PDE4B: variants seen among roughly 807,000 people sequenced by gnomAD.
The protein encoded by PDE4B is 3',5'-cyclic-AMP phosphodiesterase 4B.
A neutral mutation model predicts 82.2 loss-of-function variants in PDE4B; 20 were observed. That is an observed-to-expected ratio of 0.24 (90% CI 0.17 to 0.35). The LOEUF (loss-of-function observed/expected upper bound fraction) is 0.35, where lower values mean the gene tolerates loss of function less well. Ranked by LOEUF, PDE4B falls within the 10% of genes least tolerant of loss-of-function variation. The pLI, the probability that PDE4B is intolerant of heterozygous loss-of-function variation, is 1.00. For missense variants in PDE4B, 655 were observed against 907.2 expected, an observed-to-expected ratio of 0.72 and a Z score of 3.57; for synonymous variants, 320 against 318.9, an observed-to-expected ratio of 1.00 and a Z score of -0.04.
chr1:65,896,218 G>C (rs1646909311), intron 1 of PDE4B, among the ~76,000 whole-genome samples: 1 of 152,082 alleles, frequency 6.6e-6, no homozygotes, highest in Non-Finnish European at 1.5e-5. Flanking sequence ...TGGATGGGGA[G>C]ACCTCACAAT....
intron 3 of PDE4B, among the ~76,000 whole-genome samples, chr1:65,971,432 G>A (rs980402355): frequency 6.6e-6 from 1 of 152,018 alleles, no homozygotes; most frequent in African/African-American, 2.4e-5. Flanking sequence ...ACATCTATGT[G>A]GTACTAAGTA....
chr1:66,144,010 C>G (rs1267608637), intron 3 of PDE4B, among the ~76,000 whole-genome samples: 1 of 152,238 alleles, frequency 6.6e-6, no homozygotes, highest in African/African-American at 2.4e-5. Flanking sequence ...TTTGCTTAAA[C>G]CACTGTAACC....
At chr1:66,348,748 A>G (rs1025174640) in intron 8 of PDE4B, among the ~76,000 whole-genome samples, 2 of 151,500 alleles carry the variant, frequency 1.3e-5, no homozygotes, top group African/African-American at 4.8e-5. Context: ...TATTTGCTAA[A>G]TCTGGCAACC....
chr1:66,206,172 G>T (rs1649535780), intron 3 of PDE4B, among the ~76,000 whole-genome samples: 1 of 152,184 alleles, frequency 6.6e-6, no homozygotes, highest in East Asian at 1.9e-4. Flanking sequence ...CTCGGACCTG[G>T]ATATTTTCTC....
At chr1:66,046,495 G>A (rs1186608054) in intron 3 of PDE4B, among the ~76,000 whole-genome samples, 3 of 151,684 alleles carry the variant, frequency 2.0e-5, no homozygotes, top group East Asian at 3.9e-4. Context: ...ATCTCCCAAC[G>A]TGAAGAAATA....
chr1:66,138,913 G>A (rs1646114616), intron 3 of PDE4B, among the ~76,000 whole-genome samples: 1 of 152,128 alleles, frequency 6.6e-6, no homozygotes, highest in Admixed American at 6.5e-5. Context: ...CTCTCCAAGT[G>A]GGAGAGGGCC....
intron 1 of PDE4B, among the ~76,000 whole-genome samples, chr1:65,880,054 A>G (rs966058938): frequency 6.6e-6 from 1 of 152,200 alleles, no homozygotes; most frequent in African/African-American, 2.4e-5. Context: ...TGCAAAGGTG[A>G]TGCTGATGTG....
At chr1:66,117,438 G>A (rs680925) in intron 3 of PDE4B, among the ~76,000 whole-genome samples, 40,147 of 152,072 alleles carry the variant, frequency 0.26, 6,291 homozygotes, top group Middle Eastern at 0.37. Flanking sequence ...ACCTTCACAA[G>A]CCATAATTAT....
chr1:66,256,425 G>C (rs996302731), intron 4 of PDE4B, among the ~76,000 whole-genome samples: 1 of 152,148 alleles, frequency 6.6e-6, no homozygotes, highest in Non-Finnish European at 1.5e-5. Context: ...CTTACCACAA[G>C]ACCTGGCAGA....
At chr1:66,257,467 T>C (rs778091298) in intron 4 of PDE4B, 180 bp from the exon 5 acceptor site, 2 of 776,850 alleles carry the variant, frequency 2.6e-6, no homozygotes, top group South Asian at 2.7e-5. Flanking sequence ...ACTAATTTTT[T>C]CCTTTCAAGC....
chr1:65,801,812 G>T (rs1481647662), intron 1 of PDE4B, among the ~76,000 whole-genome samples: 1 of 152,092 alleles, frequency 6.6e-6, no homozygotes, highest in Non-Finnish European at 1.5e-5. Flanking sequence ...TAGCAAAGTG[G>T]GTTTCCCTCT....
At chr1:66,215,484 G>C (rs1159595030) in intron 3 of PDE4B, among the ~76,000 whole-genome samples, 1 of 152,058 alleles carries the variant, frequency 6.6e-6, no homozygotes, top group African/African-American at 2.4e-5. Flanking sequence ...TCCACAAGAG[G>C]GTAAACATAC....
chr1:65,805,123 C>G (rs570820003), intron 1 of PDE4B, among the ~76,000 whole-genome samples: 1 of 152,050 alleles, frequency 6.6e-6, no homozygotes, highest in Non-Finnish European at 1.5e-5. Flanking sequence ...CACCACCAAG[C>G]CTGGATAAGT....
intron 3 of PDE4B, among the ~76,000 whole-genome samples, chr1:66,204,154 G>C (rs1272839972): frequency 6.6e-6 from 1 of 152,242 alleles, no homozygotes; most frequent in Non-Finnish European, 1.5e-5. Context: ...GGTGGCTGCA[G>C]AACAGCAGAT....
intron 3 of PDE4B, among the ~76,000 whole-genome samples, chr1:66,083,250 T>C (rs148678435): frequency 7.6e-4 from 115 of 152,220 alleles, no homozygotes; most frequent in African/African-American, 2.5e-3. Flanking sequence ...GCCTCCTCTG[T>C]CAAGTCTGAA....
intron 3 of PDE4B, among the ~76,000 whole-genome samples, chr1:66,108,936 G>A (rs2101046099): frequency 6.6e-6 from 1 of 151,924 alleles, no homozygotes; most frequent in Middle Eastern, 3.4e-3. Context: ...AAAACTCTTG[G>A]TCATACAGAA....
intron 3 of PDE4B, among the ~76,000 whole-genome samples, chr1:66,228,169 G>C (rs971205497): frequency 6.6e-6 from 1 of 152,128 alleles, no homozygotes; most frequent in Non-Finnish European, 1.5e-5. Context: ...TTGTTAACCT[G>C]ACCACCTGTT....
At chr1:66,190,884 G>A (rs1216275020) in intron 3 of PDE4B, among the ~76,000 whole-genome samples, 4 of 152,022 alleles carry the variant, frequency 2.6e-5, no homozygotes, top group African/African-American at 9.7e-5. Flanking sequence ...AGATGAACCC[G>A]GTACCTCAGT....
At chr1:66,222,050 A>G (rs1570499128) in intron 3 of PDE4B, among the ~76,000 whole-genome samples, 1 of 152,132 alleles carries the variant, frequency 6.6e-6, no homozygotes, top group Non-Finnish European at 1.5e-5. Context: ...GTCATCAGTA[A>G]CCCAGCCTCC....
Sources: allele counts gnomAD v4.1 joint callset (sites outside exome capture counted in the v4.1 genomes callset), GRCh38; gene constraint gnomAD v4.1.1; transcripts MANE v1.5; gene names NCBI Gene and HGNC (gene_info 2026-07-23, HGNC 2026-07-21).